ZHX3: variants seen among roughly 807,000 people sequenced by gnomAD.
ZHX3 encodes the protein zinc fingers and homeoboxes 3.
A neutral mutation model predicts 64.5 loss-of-function variants in ZHX3; 20 were observed. That is an observed-to-expected ratio of 0.31 (90% confidence interval 0.22 to 0.45). The LOEUF (loss-of-function observed/expected upper bound fraction) is 0.45. Ranked by LOEUF, ZHX3 falls within the 20% of genes least tolerant of loss-of-function variation. ZHX3 has a pLI of 1.00. For synonymous variants in ZHX3, 423 were observed against 461.6 expected (o/e 0.92, Z 1.07); for missense variants, 1,041 against 1,195.8 (o/e 0.87, Z 1.91).
chr20:41,292,066 C>T (rs113786765), intron 1 of ZHX3, among the ~76,000 whole-genome samples: 8 of 135,888 alleles, frequency 5.9e-5, no homozygotes, highest in African/African-American at 1.9e-4. Flanking sequence ...ACTATTAATA[C>T]ATCCAAGTCA....
At chr20:41,297,348 T>C (rs932273066) in intron 1 of ZHX3, among the ~76,000 whole-genome samples, 3 of 152,194 alleles carry the variant, frequency 2.0e-5, no homozygotes, top group African/African-American at 7.2e-5. Flanking sequence ...TTCTAAACCC[T>C]TGGGACCCTG....
chr20:41,233,088 C>A (rs2040733375), intron 2 of ZHX3, among the ~76,000 whole-genome samples: 1 of 152,228 alleles, frequency 6.6e-6, no homozygotes, highest in African/African-American at 2.4e-5. Context: ...CTGCCTATAG[C>A]AAACTTGGAT....
intron 1 of ZHX3, among the ~76,000 whole-genome samples, chr20:41,283,320 G>A (rs2043783505): frequency 6.6e-6 from 1 of 152,044 alleles, no homozygotes; most frequent in Non-Finnish European, 1.5e-5. Context: ...GTCCAGCTGT[G>A]GTAGAGCTTC....
At chr20:41,288,164 C>A (rs1457275763) in intron 1 of ZHX3, among the ~76,000 whole-genome samples, 1 of 152,186 alleles carries the variant, frequency 6.6e-6, no homozygotes, top group Non-Finnish European at 1.5e-5. Context: ...GGACTATAGG[C>A]ACATGCCACC....
chr20:41,251,340 C>A (rs1038039848), intron 2 of ZHX3, among the ~76,000 whole-genome samples: 1 of 151,998 alleles, frequency 6.6e-6, no homozygotes, highest in Admixed American at 6.5e-5. Flanking sequence ...ATCAGGTTTC[C>A]ACATTTCACT....
intron 2 of ZHX3, among the ~76,000 whole-genome samples, chr20:41,265,697 G>A (rs1488343959): frequency 6.6e-6 from 1 of 152,060 alleles, no homozygotes; most frequent in East Asian, 1.9e-4. Context: ...AAGCTTCTGA[G>A]GTGATTTTAA....
At chr20:41,315,409 G>A (rs1006327221) in intron 1 of ZHX3, among the ~76,000 whole-genome samples, 6 of 140,238 alleles carry the variant, frequency 4.3e-5, no homozygotes, top group Non-Finnish European at 7.5e-5. Context: ...TGGCCGGGCT[G>A]GTCTCGAACT....
intron 2 of ZHX3, among the ~76,000 whole-genome samples, chr20:41,238,992 CTTT>C (rs36076017): frequency 5.8e-5 from 5 of 86,324 alleles, no homozygotes; most frequent in Non-Finnish European, 1.0e-4. Flanking sequence ...TTTTCTCTCT[CTTT>C]TTTTTTTTTT....
intron 1 of ZHX3, among the ~76,000 whole-genome samples, chr20:41,289,579 T>C (rs2044120700): frequency 6.6e-6 from 1 of 152,212 alleles, no homozygotes; most frequent in Non-Finnish European, 1.5e-5. Flanking sequence ...TCCTTTTAGG[T>C]AACATGCCAA....
At chr20:41,289,969 G>A (rs2044146470) in intron 1 of ZHX3, among the ~76,000 whole-genome samples, 1 of 152,062 alleles carries the variant, frequency 6.6e-6, no homozygotes, top group Non-Finnish European at 1.5e-5. Flanking sequence ...CCAAACATTG[G>A]GGCAACATTA....
chr20:41,304,653 C>T (rs915486139), intron 1 of ZHX3, among the ~76,000 whole-genome samples: 2 of 152,144 alleles, frequency 1.3e-5, no homozygotes, highest in African/African-American at 4.8e-5. Context: ...AACTGGCTCA[C>T]GCAATTGTAG....
intron 1 of ZHX3, among the ~76,000 whole-genome samples, chr20:41,288,565 T>C (rs1436721743): frequency 6.6e-6 from 1 of 152,238 alleles, no homozygotes; most frequent in Non-Finnish European, 1.5e-5. Flanking sequence ...GGCAACACAC[T>C]GGTGGTGCAC....
chr20:41,197,068 T>C (rs530248142), intron 3 of ZHX3: 19 of 215,784 alleles, frequency 8.8e-5, no homozygotes, highest in East Asian at 2.2e-4. Flanking sequence ...AGTCAACACA[T>C]TGATCAGGGC....
At chr20:41,256,429 T>A (rs2042255573) in intron 2 of ZHX3, among the ~76,000 whole-genome samples, 1 of 152,088 alleles carries the variant, frequency 6.6e-6, no homozygotes, top group South Asian at 2.1e-4. Flanking sequence ...TAGAACTGAC[T>A]TAATACCAAC....
intron 2 of ZHX3, among the ~76,000 whole-genome samples, chr20:41,222,604 A>G (rs1294340647): frequency 6.6e-6 from 1 of 152,208 alleles, no homozygotes; most frequent in Non-Finnish European, 1.5e-5. Flanking sequence ...GACCAAATCT[A>G]GGGTATTATA....
rs1053116404 is a variant in ZHX3, at chr20:41,201,699, T to C, written c.2860+358A>G. Among the ~76,000 whole-genome samples the C allele has an allele frequency of 6.6e-6, 1 of 152,248 alleles. No homozygotes were observed. The highest frequency in any genetic ancestry group is 1.5e-5 in the Non-Finnish European group (1 of 68,052). ...TTGAGCTGAATTTCAACTCATGTCC[T>C]GTTGCTGTCTCCTACCCAGTGGCTG... is the stretch of plus-strand genomic sequence containing the variant. On this transcript the variant is annotated intron_variant, in intron 3 of 3. Transcript: ENST00000683867. The surrounding 1 kb of genome is among the most constrained non-coding windows in gnomAD (Gnocchi z 5.0).
intron 1 of ZHX3, among the ~76,000 whole-genome samples, chr20:41,308,671 G>A (rs1019166149): frequency 1.3e-5 from 2 of 152,158 alleles, no homozygotes; most frequent in Non-Finnish European, 2.9e-5. Flanking sequence ...TCCCTCGTGA[G>A]CAGCTATTCT....
intron 1 of ZHX3, 42 bp downstream of exon 1, chr20:41,317,467 C>T (rs1470208207): frequency 6.7e-6 from 1 of 149,636 alleles, no homozygotes; most frequent in African/African-American, 2.5e-5. Flanking sequence ...GACTGACAGC[C>T]GCGGGGGCAC....
chr20:41,273,238 G>T (rs943573108), intron 1 of ZHX3, among the ~76,000 whole-genome samples: 1 of 151,934 alleles, frequency 6.6e-6, no homozygotes, highest in Non-Finnish European at 1.5e-5. Flanking sequence ...CTTTTCTGTT[G>T]TTCAGTTGTT....
Sources: gnomAD v4.1 joint callset for allele counts (sites outside exome capture counted in the v4.1 genomes callset) on GRCh38, gnomAD v4.1.1 for gene constraint, Gnocchi (gnomAD v3.1) non-coding constraint, MANE v1.5 for transcripts, NCBI Gene and HGNC (gene_info 2026-07-23, HGNC 2026-07-21) for gene names.